The following PTPRT variants were observed in gnomAD, a reference collection of about 807,000 sequenced individuals.
The protein encoded by PTPRT is protein tyrosine phosphatase receptor type T, also known as receptor-type tyrosine-protein phosphatase T.
PTPRT carries 56 observed loss-of-function variants against 176.8 expected under a neutral mutation model. That is an observed-to-expected ratio of 0.32 (90% CI 0.26 to 0.40). The LOEUF (loss-of-function observed/expected upper bound fraction) is 0.40. Among genes scored for constraint, PTPRT ranks in the 10% least tolerant of loss-of-function variants. PTPRT has a pLI of 1.00. For synonymous variants in PTPRT, 783 were observed against 739.0 expected (o/e 1.06, Z -0.96); for missense variants, 1,540 against 1,908.2 (o/e 0.81, Z 3.60).
chr20:42,849,074 C>A (rs1170637050), intron 2 of PTPRT, among the ~76,000 whole-genome samples: 5 of 152,246 alleles, frequency 3.3e-5, no homozygotes, highest in African/African-American at 1.2e-4. Flanking sequence ...ATAGGGTGTC[C>A]TTTCCCCACT....
At chr20:42,574,874 G>A (rs747194319) in intron 7 of PTPRT, among the ~76,000 whole-genome samples, 3 of 152,108 alleles carry the variant, frequency 2.0e-5, no homozygotes, top group Non-Finnish European at 4.4e-5. Context: ...GTGTTTGGCA[G>A]CTCCTCGTTT....
intron 16 of PTPRT, among the ~76,000 whole-genome samples, chr20:42,181,478 A>G (rs1300203233): frequency 6.6e-6 from 1 of 152,176 alleles, no homozygotes; most frequent in Non-Finnish European, 1.5e-5. Flanking sequence ...TGCACCATAT[A>G]TCTCTCCCAG....
chr20:42,338,851 C>A (rs1022665941), intron 11 of PTPRT, among the ~76,000 whole-genome samples: 1 of 152,072 alleles, frequency 6.6e-6, no homozygotes, highest in South Asian at 2.1e-4. Context: ...CAGACTGAAC[C>A]TCTGAACTGT....
intron 8 of PTPRT, among the ~76,000 whole-genome samples, chr20:42,456,448 AATG>A (rs1166188250): frequency 1.3e-5 from 2 of 152,094 alleles, no homozygotes; most frequent in Non-Finnish European, 2.9e-5. Flanking sequence ...TTTCAAAGAT[AATG>A]ATGATATTGT....
chr20:42,419,302 C>A (rs980901819), intron 9 of PTPRT, among the ~76,000 whole-genome samples: 1 of 152,152 alleles, frequency 6.6e-6, no homozygotes, highest in African/African-American at 2.4e-5. Context: ...CACATGCACA[C>A]AATTTGCACG....
intron 17 of PTPRT, among the ~76,000 whole-genome samples, chr20:42,142,464 G>T (rs1157111359): frequency 1.3e-5 from 2 of 152,180 alleles, no homozygotes; most frequent in African/African-American, 4.8e-5. Flanking sequence ...AAATAAAGCA[G>T]AATAAAGGGA....
chr20:42,942,842 C>T (rs1486537936), intron 1 of PTPRT, among the ~76,000 whole-genome samples: 2 of 152,040 alleles, frequency 1.3e-5, no homozygotes, highest in African/African-American at 4.8e-5. Flanking sequence ...TAGGTATTCC[C>T]CAGCATATAA....
At chr20:42,906,174 C>T (rs146791370) in intron 1 of PTPRT, among the ~76,000 whole-genome samples, 1 of 152,124 alleles carries the variant, frequency 6.6e-6, no homozygotes, top group African/African-American at 2.4e-5. Flanking sequence ...AGCGTCTGGA[C>T]ATCAAGAGGA....
At chr20:42,981,634 T>G (rs1983279376) in intron 1 of PTPRT, among the ~76,000 whole-genome samples, 1 of 152,046 alleles carries the variant, frequency 6.6e-6, no homozygotes, top group Non-Finnish European at 1.5e-5. Flanking sequence ...CCTGCTGAAC[T>G]CCAGAGATGT....
chr20:42,703,799 G>T (rs1412021728), intron 6 of PTPRT, among the ~76,000 whole-genome samples: 1 of 152,138 alleles, frequency 6.6e-6, no homozygotes, highest in Non-Finnish European at 1.5e-5. Context: ...ACCTCTACTT[G>T]CCCCTGCACA....
intron 1 of PTPRT, among the ~76,000 whole-genome samples, chr20:43,171,927 T>A (rs1329332022): frequency 1.3e-5 from 2 of 152,122 alleles, no homozygotes; most frequent in Non-Finnish European, 2.9e-5. Context: ...CCAAACTCCA[T>A]CACTAAACTC....
chr20:42,565,128 G>A (rs34950949), intron 7 of PTPRT, among the ~76,000 whole-genome samples: 33,610 of 151,890 alleles, frequency 0.22, 4,083 homozygotes, highest in African/African-American at 0.32. Flanking sequence ...CGAGAAGAAG[G>A]GGGCCTGAAA....
rs1328566221 is a variant in PTPRT, at chr20:42,075,738, A to G, written c.*5141T>C. 4.9e-6 allele frequency: 1 copy of G among 205,258 alleles called. No individual in the cohort carries two copies. The highest frequency in any genetic ancestry group is 1.0e-5 in the Non-Finnish European group (1 of 100,380). The allele number at this position is 205,258 out of a possible 1,614,324, so 12.7% of individuals were successfully genotyped here. ...CCTCTATGTACTCTAAGGGGTTCCC[A>G]CCAGCGACGAGGAAATGTAGATCCT... On this transcript the variant is annotated 3_prime_UTR_variant, in exon 31 of 31. Coordinates refer to ENST00000373187, the MANE Select transcript of PTPRT (RefSeq NM_007050.6).
chr20:42,375,571 G>A (rs534262461), intron 9 of PTPRT, among the ~76,000 whole-genome samples: 5 of 152,192 alleles, frequency 3.3e-5, no homozygotes, highest in East Asian at 1.9e-4. Flanking sequence ...CCCTGGATCC[G>A]GGCTTCCCAG....
chr20:42,433,108 A>G (rs2059229835), intron 9 of PTPRT, among the ~76,000 whole-genome samples: 1 of 152,208 alleles, frequency 6.6e-6, no homozygotes, highest in East Asian at 1.9e-4. Flanking sequence ...ATCTACTGGC[A>G]AATGGAAACC....
At chr20:42,794,958 C>T (rs1192290140) in intron 2 of PTPRT, among the ~76,000 whole-genome samples, 2 of 152,112 alleles carry the variant, frequency 1.3e-5, no homozygotes, top group Admixed American at 6.5e-5. Flanking sequence ...GGAAGGGAGC[C>T]TATCTGCGAG....
At chr20:42,399,430 G>A (rs1485424568) in intron 9 of PTPRT, among the ~76,000 whole-genome samples, 2 of 152,218 alleles carry the variant, frequency 1.3e-5, no homozygotes, top group African/African-American at 2.4e-5. Context: ...AGGCAGGGGA[G>A]GAGAAAATGG....
At chr20:42,838,113 G>C (rs2078214108) in intron 2 of PTPRT, among the ~76,000 whole-genome samples, 2 of 152,122 alleles carry the variant, frequency 1.3e-5, no homozygotes, top group Non-Finnish European at 2.9e-5. Flanking sequence ...TGCAACTTCT[G>C]CCTCCTGGGT....
intron 11 of PTPRT, among the ~76,000 whole-genome samples, chr20:42,325,810 A>G (rs966542291): frequency 1.2e-4 from 18 of 152,142 alleles, no homozygotes; most frequent in African/African-American, 4.3e-4. Context: ...CAATGTCTAC[A>G]AGACTCACTC....
Sources: allele counts gnomAD v4.1 joint callset (sites outside exome capture counted in the v4.1 genomes callset), GRCh38; gene constraint gnomAD v4.1.1; transcripts MANE v1.5; gene names NCBI Gene and HGNC (gene_info 2026-07-23, HGNC 2026-07-21).